Variants in ARFRP1 observed in about 807,000 individuals in gnomAD.
ARFRP1 encodes the protein ADP-ribosylation factor-related protein 1.
In ARFRP1, 19 loss-of-function variants were observed where a neutral mutation model predicts 30.3. The observed-to-expected ratio is 0.63, with a 90% CI of 0.44 to 0.92. The LOEUF is 0.92. Among genes scored for constraint, ARFRP1 ranks in the 40% least tolerant of loss-of-function variants. The pLI is 0.00. For synonymous variants in ARFRP1, 133 were observed against 114.2 expected (o/e 1.16, Z -1.05); for missense variants, 245 against 267.5 (o/e 0.92, Z 0.59).
chr20:63,707,163 G>A, intron 1 of ARFRP1, 66 bp from the exon 2 acceptor site: 4 of 1,400,482 alleles, frequency 2.9e-6, no homozygotes, highest in Non-Finnish European at 3.9e-6. Context: ...GCTTCTCCAC[G>A]GTGGTCAGTG....
At chr20:63,701,558 C>T (rs1001824618) in intron 6 of ARFRP1, 21 of 578,246 alleles carry the variant, frequency 3.6e-5, no homozygotes, top group East Asian at 8.7e-5. Flanking sequence ...TCCTGAGACA[C>T]GGCCGCCCTC....
Position 63,700,320 on chromosome 20 carries a change from A to C in ARFRP1, c.*123T>G. On this transcript the variant is annotated 3_prime_UTR_variant, in exon 8 of 8. Transcript: ENST00000622789. ...AGGAAAGTTTGTCTTCGAGAAAACA[A>C]AGTAAATAGAAGAACCCCAAAGCAA... 1 of 1,368,672 alleles carries C rather than the reference A, an allele frequency of 7.3e-7. No homozygotes were observed. Among genetic ancestry groups the C allele is most frequent in the Non-Finnish European group, 9.9e-7 (1 of 1,006,236 alleles). 84.8% of individuals were successfully genotyped at this position (1,368,672 alleles called of 1,614,324 possible).
Position 63,702,378 on chromosome 20 carries a change from G to A in ARFRP1, c.265-161C>T, listed in dbSNP as rs114324090. On this transcript the variant is annotated intron_variant, in intron 4 of 7. Coordinates refer to ENST00000622789, the MANE Select transcript of ARFRP1 (RefSeq NM_001267547.3). Reference sequence around the variant, plus strand: ...TCTGGGATGCATTCTGGGGTTGCGGGGAGATCTGGTGGAGGTGTCCCCAGA... The same window carrying A: ...TCTGGGATGCATTCTGGGGTTGCGGAGAGATCTGGTGGAGGTGTCCCCAGA... The A allele has an allele frequency of 1.6e-3, 1,072 of 679,116 alleles. 8 individuals are homozygous for A. The African/African-American group carries it at 0.018, about 11-fold the overall frequency. The allele number at this position is 679,116 out of a possible 1,614,324, so 42.1% of individuals were successfully genotyped here.
At chr20:63,702,409 C>T in intron 4 of ARFRP1, 192 bp from the exon 5 acceptor site, 2 of 600,026 alleles carry the variant, frequency 3.3e-6, no homozygotes, top group Non-Finnish European at 5.9e-6. Flanking sequence ...CCAGACGCTG[C>T]TCCTGAGAAC....
intron 5 of ARFRP1, 105 bp from the exon 6 acceptor site, chr20:63,702,005 C>CCCG: frequency 2.1e-6 from 2 of 967,376 alleles, no homozygotes; most frequent in Non-Finnish European, 2.9e-6. Flanking sequence ...TCTGCCCCCC[C>CCCG]CCCCCCCGTC....
chr20:63,706,225 G>C, intron 4 of ARFRP1, 132 bp downstream of exon 4: 1 of 840,818 alleles, frequency 1.2e-6, no homozygotes, highest in Non-Finnish European at 1.9e-6. Flanking sequence ...GGGAACCTGG[G>C]ACAGGACCAG....
At chr20:63,707,400 C>T (rs550722269) in intron 1 of ARFRP1, 155 of 287,460 alleles carry the variant, frequency 5.4e-4, no homozygotes, top group African/African-American at 3.2e-3. Context: ...GCGCTCCCGC[C>T]CTCCCCCGAG....
chr20:63,698,657 CTTA>C lies in ARFRP1; in HGVS notation c.*1783_*1785del. ...ATAGAAGAAATGAGGTTTCTTAAAG[CTTA>C]TTTTTATAAAGCTTTTTCATAAAAC... is the stretch of plus-strand genomic sequence containing the variant. On this transcript the variant is annotated 3_prime_UTR_variant, in exon 8 of 8. Transcript: ENST00000622789. 7.6e-7 allele frequency: 1 copy of C among 1,319,460 alleles called. No homozygotes were observed. The highest frequency in any genetic ancestry group is 9.8e-7 in the Non-Finnish European group (1 of 1,015,498). The allele number at this position is 1,319,460 out of a possible 1,614,324, so 81.7% of individuals were successfully genotyped here. A position where few individuals can be genotyped will look rare whatever the true frequency, so the allele number is the denominator to read the frequency against.
intron 5 of ARFRP1, 61 bp from the exon 6 acceptor site, chr20:63,701,961 GC>G: frequency 7.0e-7 from 1 of 1,431,094 alleles, no homozygotes. Flanking sequence ...CTGCCCAGGG[GC>G]CCACAGGCGT....
At chr20:63,707,325 C>G in intron 1 of ARFRP1, 1 of 528,910 alleles carries the variant, frequency 1.9e-6, no homozygotes, top group Non-Finnish European at 3.4e-6. Flanking sequence ...TCCGCATACA[C>G]ATCGGTTCCG....
chr20:63,706,864 C>CT (rs539974813), intron 2 of ARFRP1, 126 bp from the exon 3 acceptor site: 80 of 1,249,272 alleles, frequency 6.4e-5, no homozygotes, highest in Non-Finnish European at 8.9e-5. Flanking sequence ...CTTCAGGAGG[C>CT]TGGTGGTGAC....
At position 63,702,880 on chromosome 20, in the gene ARFRP1, G is replaced by C. The variant is rs78519634; in HGVS notation, c.265-663C>G. The C allele has an allele frequency of 4.6e-3, 703 of 152,664 alleles. 2 individuals are homozygous for C. Among genetic ancestry groups the C allele is most frequent in the Non-Finnish European group, 8.1e-3 (552 of 68,362 alleles). 9.5% of individuals were successfully genotyped at this position (152,664 alleles called of 1,614,324 possible). On this transcript the variant is annotated intron_variant, in intron 4 of 7. Transcript: ENST00000622789. Reference sequence around the variant, plus strand: ...AAGACTGACCAGCGCCATCTACGAAGCGAGCCTTCCCTGCCAGGACAGGGC... The same window carrying C: ...AAGACTGACCAGCGCCATCTACGAACCGAGCCTTCCCTGCCAGGACAGGGC...
intron 4 of ARFRP1, chr20:63,704,433 T>C (rs932622278): frequency 2.0e-5 from 3 of 152,222 alleles, no homozygotes; most frequent in Non-Finnish European, 2.9e-5. Flanking sequence ...GAGATGGGGC[T>C]GCCATCCCAC....
At chr20:63,702,025 G>T in intron 5 of ARFRP1, 111 bp downstream of exon 5, 1 of 650,032 alleles carries the variant, frequency 1.5e-6, no homozygotes, top group Non-Finnish European at 2.3e-6. Flanking sequence ...CACCCACTAG[G>T]CAGGAGCACT....
chr20:63,706,721 C>T lies in ARFRP1; in HGVS notation c.111G>A (p.Ser37=), dbSNP rs528376535. ...NAGKTTFLEQ[S]KTRFNKNYKG... is the part of the protein sequence containing the mutation. ...TGTAGTTCTTGTTAAATCGGGTTTT[C>T]GACTGCTCCAGGAAGGTCTGAGGAG... is the stretch of plus-strand genomic sequence containing the variant. The change falls in exon 3 of 8, where the codon TCG becomes TCA. Residue 37 remains serine (S), a synonymous_variant. Transcript: ENST00000622789. 6.2e-7 allele frequency: 1 copy of T among 1,613,734 alleles called. No homozygotes were observed. The highest frequency in any genetic ancestry group is 1.3e-5 in the African/African-American group (1 of 75,038).
Position 63,698,851 on chromosome 20 carries a change from A to G in ARFRP1, c.*1592T>C, listed in dbSNP as rs1465503326. On this transcript the variant is annotated 3_prime_UTR_variant, in exon 8 of 8. Coordinates refer to ENST00000622789, the MANE Select transcript of ARFRP1 (RefSeq NM_001267547.3). Reference sequence around the variant, plus strand: ...AGTGGGGAGTGCCACCTCTGCCCCCAGTGGCTGTGGCACGTGGCAGGGGCC... The same window carrying G: ...AGTGGGGAGTGCCACCTCTGCCCCCGGTGGCTGTGGCACGTGGCAGGGGCC... 25 of 301,680 alleles carry G rather than the reference A, an allele frequency of 8.3e-5. No individual in the cohort carries two copies. The allele number at this position is 301,680 out of a possible 1,614,324, so 18.7% of individuals were successfully genotyped here.
At position 63,701,877 on chromosome 20, in the gene ARFRP1, GCGCCT is replaced by G. The variant is rs1568752774; in HGVS notation, c.365_369del (p.Glu122AlafsTer23). 6.5e-7 allele frequency: 1 copy of G among 1,550,330 alleles called. No individual in the cohort carries two copies. The highest frequency in any genetic ancestry group is 1.2e-5 in the South Asian group (1 of 84,090). On this transcript the variant is annotated frameshift_variant, in exon 6 of 8. Coordinates refer to ENST00000622789, the MANE Select transcript of ARFRP1 (RefSeq NM_001267547.3). LOFTEE classifies it high-confidence loss of function. ...AGCACCAAGACGGGGACACCGCACA[GCGCCT>G]CGCTGGTCACCACCTTCTCTGGGGA... is the stretch of plus-strand genomic sequence containing the variant.
At chr20:63,702,091 C>G (rs1380462860) in intron 5 of ARFRP1, 45 bp downstream of exon 5, 35 of 1,589,854 alleles carry the variant, frequency 2.2e-5, no homozygotes, top group Non-Finnish European at 2.8e-5. Flanking sequence ...TGGACCTGCC[C>G]CCACTCACCA....
At chr20:63,701,723 CT>C (rs1454887124) in intron 6 of ARFRP1, 106 bp downstream of exon 6, 26 of 1,050,936 alleles carry the variant, frequency 2.5e-5, no homozygotes, top group Non-Finnish European at 3.2e-5. Context: ...TCTGTACCCC[CT>C]GGGCAGTCAC....
Sources: gnomAD v4.1 joint callset for allele counts on GRCh38, gnomAD v4.1.1 for gene constraint, MANE v1.5 for transcripts, NCBI Gene and HGNC (gene_info 2026-07-23, HGNC 2026-07-21) for gene names.